The following MPRIP variants were observed in gnomAD, a reference collection of about 807,000 sequenced individuals.
MPRIP encodes myosin phosphatase Rho-interacting protein.
MPRIP carries 59 observed loss-of-function variants against 234.9 expected under a neutral mutation model. The ratio of observed to expected loss-of-function variants is 0.25; its 90% CI spans 0.20 to 0.31. The LOEUF is 0.31. MPRIP is among the 10% of genes least tolerant of loss of function. MPRIP has a pLI of 1.00. For synonymous variants in MPRIP, 1,144 were observed against 1,263.9 expected, an observed-to-expected ratio of 0.91 and a Z score of 2.01; for missense variants, 2,436 against 3,071.0, an observed-to-expected ratio of 0.79 and a Z score of 4.89.
intron 18 of MPRIP, 117 bp downstream of exon 18, chr17:17,172,932 C>G: frequency 1.1e-6 from 1 of 883,928 alleles, no homozygotes; most frequent in South Asian, 1.6e-5. Flanking sequence ...GGCCTGGGGC[C>G]CCTGGGTGCT....
chr17:17,116,998 G>C (rs1392567036), intron 3 of MPRIP, among the ~76,000 whole-genome samples: 1 of 152,174 alleles, frequency 6.6e-6, no homozygotes, highest in Non-Finnish European at 1.5e-5. Context: ...AGATGGCCAT[G>C]GTCTCTGAGT....
In MPRIP at chr17:17,159,769, T is replaced by C. The variant is rs537975817; in HGVS notation, c.2400+767T>C. 2.0e-5 allele frequency among the ~76,000 whole-genome samples: 3 copies of C among 152,308 alleles called. No individual in the cohort carries two copies. The South Asian group carries it at 6.2e-4, about 32-fold the overall frequency. ...GTAGAACTCCCTGTTTCACTCTCCA[T>C]TTAGGGACAGTTTTCAACACTGTGT... On this transcript the variant is annotated intron_variant, in intron 14 of 23. Transcript: ENST00000651222.
intron 3 of MPRIP, among the ~76,000 whole-genome samples, chr17:17,105,159 G>C (rs1476020796): frequency 6.6e-6 from 1 of 152,140 alleles, no homozygotes; most frequent in East Asian, 1.9e-4. Context: ...ACCTGGGATG[G>C]GCATCGCTTT....
intron 3 of MPRIP, among the ~76,000 whole-genome samples, chr17:17,098,463 C>A (rs1260308176): frequency 6.6e-6 from 1 of 152,214 alleles, no homozygotes; most frequent in African/African-American, 2.4e-5. Flanking sequence ...ATGAGATCTC[C>A]CTCTCTTGAC....
Position 17,143,638 on chromosome 17 carries a change from T to C in MPRIP, c.1472T>C (p.Leu491Pro). The C allele has an allele frequency of 6.2e-7, 1 of 1,607,382 alleles. No homozygotes were observed. Among genetic ancestry groups the C allele is most frequent in the Non-Finnish European group, 8.5e-7 (1 of 1,177,182 alleles). Reference protein sequence around the residue: ...PLSPHRRAKSLDRRSTEPSVT... With the variant: ...PLSPHRRAKSPDRRSTEPSVT... ...TCTCCACACCGAAGAGCCAAGTCAC[T>C]GGACAGGAGGTCCACGGAGCCCTCC... Residue 491 changes from leucine (L) to proline (P), a missense_variant, in exon 9 of 24, where the codon CTG becomes CCG. By Grantham distance (98) the Leu-to-Pro change is moderately conservative. Coordinates refer to ENST00000651222, the MANE Select transcript of MPRIP (RefSeq NM_001364716.4).
intron 22 of MPRIP, among the ~76,000 whole-genome samples, chr17:17,179,099 A>G (rs1403521013): frequency 1.3e-5 from 2 of 151,948 alleles, no homozygotes; most frequent in Non-Finnish European, 2.9e-5. Flanking sequence ...GTGGATCACG[A>G]GGTCAGGAAT....
chr17:17,110,100 T>C (rs1162793116), intron 3 of MPRIP, among the ~76,000 whole-genome samples: 1 of 151,936 alleles, frequency 6.6e-6, no homozygotes, highest in African/African-American at 2.4e-5. Context: ...AGCAAGTGGG[T>C]TCTTGCTCTG....
chr17:17,072,045 T>C (rs1290128612), intron 1 of MPRIP, among the ~76,000 whole-genome samples: 1 of 152,190 alleles, frequency 6.6e-6, no homozygotes, highest in East Asian at 1.9e-4. Flanking sequence ...TTCAGATTAT[T>C]ATAGGACCGT....
At position 17,096,396 on chromosome 17, in the gene MPRIP, A is replaced by G. The variant is rs185793368; in HGVS notation, c.267+18320A>G. Among the ~76,000 whole-genome samples, 14 of 151,418 alleles carry G rather than the reference A, an allele frequency of 9.2e-5. No homozygotes were observed. In the East Asian group the frequency reaches 1.7e-3, roughly 19 times the overall value. ...GGACCTGTGTGTGTTGGCATCCTGC[A>G]TTAAATGTACCATCTATAATTTGCT... On this transcript the variant is annotated intron_variant, in intron 3 of 23. Coordinates refer to ENST00000651222, the MANE Select transcript of MPRIP (RefSeq NM_001364716.4).
chr17:17,082,776 T>C (rs186913207), intron 3 of MPRIP, among the ~76,000 whole-genome samples: 17 of 152,326 alleles, frequency 1.1e-4, no homozygotes, highest in Admixed American at 1.3e-4. Context: ...TATAACTCCC[T>C]TCCCCAGCCC....
At chr17:17,098,238 C>G (rs1300070662) in intron 3 of MPRIP, among the ~76,000 whole-genome samples, 1 of 152,202 alleles carries the variant, frequency 6.6e-6, no homozygotes, top group Non-Finnish European at 1.5e-5. Flanking sequence ...CAACCTCTTT[C>G]CCCAGAACCT....
intron 1 of MPRIP, among the ~76,000 whole-genome samples, chr17:17,061,505 T>C (rs1215281589): frequency 1.3e-5 from 2 of 152,226 alleles, no homozygotes; most frequent in African/African-American, 4.8e-5. Flanking sequence ...GCATTCTGCT[T>C]ATGGATCTTT....
At position 17,147,376 on chromosome 17, in the gene MPRIP, G is replaced by T. The variant is rs1456098024; in HGVS notation, c.1618G>T (p.Val540Leu). 1 of 1,614,084 alleles carries T rather than the reference G, an allele frequency of 6.2e-7. No individual in the cohort carries two copies. Among genetic ancestry groups the T allele is most frequent in the Non-Finnish European group, 8.5e-7 (1 of 1,180,036 alleles). The change falls in exon 11 of 24, where the codon GTG (valine) becomes TTG (leucine). Residue 540 changes from valine to leucine, a missense_variant. Physicochemically the swap from Val to Leu is conservative, Grantham distance 32. Transcript: ENST00000651222. ...AAGCCTGAGATACTACAGGGATTCAGTGGCTGAGGAGGTGAGTGTCTGGGC... is the reference window on the plus strand; with the variant it reads ...AAGCCTGAGATACTACAGGGATTCATTGGCTGAGGAGGTGAGTGTCTGGGC... The part of the protein sequence containing the change: ...DQSLRYYRDS[V>L]AEEAADLDGE...
At chr17:17,144,795 G>A (rs535871947) in intron 9 of MPRIP, among the ~76,000 whole-genome samples, 1 of 152,356 alleles carries the variant, frequency 6.6e-6, no homozygotes, top group South Asian at 2.1e-4. Flanking sequence ...GGCGGAGGTT[G>A]CAGTGAGCTG....
At chr17:17,124,234 G>A (rs1232290778) in intron 3 of MPRIP, among the ~76,000 whole-genome samples, 8 of 152,204 alleles carry the variant, frequency 5.3e-5, no homozygotes, top group East Asian at 1.9e-4. Flanking sequence ...CAATTACTGC[G>A]TAAGAGGGAA....
intron 2 of MPRIP, chr17:17,076,416 C>T (rs566672459): frequency 6.6e-6 from 1 of 152,520 alleles, no homozygotes; most frequent in South Asian, 2.1e-4. Flanking sequence ...CCCTCCATCC[C>T]CGGGAGCTCC....
At chr17:17,093,416 G>C (rs1412478108) in intron 3 of MPRIP, among the ~76,000 whole-genome samples, 1 of 152,170 alleles carries the variant, frequency 6.6e-6, no homozygotes, top group Non-Finnish European at 1.5e-5. Context: ...CAGTCTCTCA[G>C]ACCCTTAAAA....
chr17:17,130,312 C>G (rs546480830), intron 4 of MPRIP, among the ~76,000 whole-genome samples: 1 of 151,964 alleles, frequency 6.6e-6, no homozygotes, highest in Non-Finnish European at 1.5e-5. Flanking sequence ...GTGACTGACC[C>G]TTCCTTTGTC....
chr17:17,086,974 GTCTTATAAGTC>G (rs1171970988), intron 3 of MPRIP, among the ~76,000 whole-genome samples: 1 of 152,162 alleles, frequency 6.6e-6, no homozygotes, highest in Non-Finnish European at 1.5e-5. Flanking sequence ...TTGGGACCCA[GTCTTATAAGTC>G]TCTTGGACCC....
Sources: allele counts gnomAD v4.1 joint callset (sites outside exome capture counted in the v4.1 genomes callset), GRCh38; gene constraint gnomAD v4.1.1; transcripts MANE v1.5; gene names NCBI Gene and HGNC (gene_info 2026-07-23, HGNC 2026-07-21).